SEPTIN14: variants seen among roughly 807,000 people sequenced by gnomAD.
The protein encoded by SEPTIN14 is septin 14.
A neutral mutation model predicts 53.6 loss-of-function variants in SEPTIN14; 40 were observed. That is an observed-to-expected ratio of 0.75 (90% confidence interval 0.58 to 0.97). SEPTIN14 has a LOEUF of 0.97. SEPTIN14 is among the 50% of genes least tolerant of loss of function. SEPTIN14 has a pLI of 0.00. For synonymous variants in SEPTIN14, 138 were observed against 166.8 expected, an observed-to-expected ratio of 0.83 and a Z score of 1.33; for missense variants, 471 against 508.2, an observed-to-expected ratio of 0.93 and a Z score of 0.70.
At chr7:55,815,520 A>G (rs1788776622) in intron 7 of SEPTIN14, among the ~76,000 whole-genome samples, 1 of 152,214 alleles carries the variant, frequency 6.6e-6, no homozygotes. Context: ...TGTCTTATTG[A>G]TAATAACTGT....
intron 1 of SEPTIN14, 134 bp downstream of exon 1, chr7:55,862,554 C>T (rs1188482534): frequency 2.6e-5 from 4 of 152,738 alleles, no homozygotes; most frequent in African/African-American, 4.8e-5. Context: ...ATCTATTATA[C>T]AGCTAGCATT....
chr7:55,827,426 T>C (rs1223147097), intron 6 of SEPTIN14, among the ~76,000 whole-genome samples: 1 of 152,128 alleles, frequency 6.6e-6, no homozygotes, highest in Non-Finnish European at 1.5e-5. Flanking sequence ...GATAGATGAC[T>C]GGGTCTGTAT....
intron 4 of SEPTIN14, among the ~76,000 whole-genome samples, chr7:55,843,618 G>C (rs55943634): frequency 0.22 from 33,930 of 152,100 alleles, 4,406 homozygotes; most frequent in Middle Eastern, 0.31. Flanking sequence ...TGGATCACGA[G>C]GTCAGGAGTT....
chr7:55,839,314 G>A (rs751784148), intron 5 of SEPTIN14, among the ~76,000 whole-genome samples: 6 of 150,648 alleles, frequency 4.0e-5, no homozygotes, highest in East Asian at 2.0e-4. Flanking sequence ...ACTTGAACCC[G>A]AGAGGCAGAG....
intron 2 of SEPTIN14, among the ~76,000 whole-genome samples, chr7:55,858,897 A>C (rs1011491093): frequency 6.6e-6 from 1 of 152,204 alleles, no homozygotes; most frequent in East Asian, 1.9e-4. Context: ...AAACCTCTGT[A>C]CTAAAGGCCT....
intron 9 of SEPTIN14, among the ~76,000 whole-genome samples, chr7:55,803,343 G>T (rs954219368): frequency 1.3e-5 from 2 of 152,116 alleles, no homozygotes; most frequent in Non-Finnish European, 2.9e-5. Flanking sequence ...ACCACAATTA[G>T]ATGGCACCTC....
chr7:55,840,834 C>T (rs934251670), intron 5 of SEPTIN14, among the ~76,000 whole-genome samples: 4 of 152,154 alleles, frequency 2.6e-5, no homozygotes, highest in African/African-American at 7.2e-5. Context: ...ATGGGCCACA[C>T]ATATGATGTT....
chr7:55,802,330 C>A (rs1018835616), intron 9 of SEPTIN14, among the ~76,000 whole-genome samples: 1 of 151,690 alleles, frequency 6.6e-6, no homozygotes, highest in African/African-American at 2.4e-5. Context: ...TAAATGCATT[C>A]GAAGAAGACA....
At chr7:55,828,459 C>T (rs1282482364) in intron 6 of SEPTIN14, among the ~76,000 whole-genome samples, 3 of 152,066 alleles carry the variant, frequency 2.0e-5, no homozygotes, top group African/African-American at 7.2e-5. Flanking sequence ...CACCCACTAC[C>T]ACGCCCGGCT....
At chr7:55,846,788 G>A (rs911325817) in intron 2 of SEPTIN14, among the ~76,000 whole-genome samples, 151 bp from the exon 3 acceptor site, 3 of 152,142 alleles carry the variant, frequency 2.0e-5, no homozygotes, top group Non-Finnish European at 2.9e-5. Context: ...AAGTAAATTT[G>A]TGAAAATAGA....
chr7:55,856,199 C>CATGAGTCTCATACTCATATGTCT (rs1789621074), intron 2 of SEPTIN14, among the ~76,000 whole-genome samples: 13 of 151,990 alleles, frequency 8.6e-5, no homozygotes, highest in Admixed American at 8.5e-4. Flanking sequence ...CCATCTATGG[C>CATGAGTCTCATACTCATATGTCT]ATGAGTCTCA....
intron 7 of SEPTIN14, chr7:55,811,107 T>C (rs1788697903): frequency 2.1e-6 from 1 of 467,852 alleles, no homozygotes. Context: ...CAGGGGTGTT[T>C]GAATAGCTCC....
chr7:55,796,390 G>T (rs1008330254), intron 9 of SEPTIN14, among the ~76,000 whole-genome samples: 1 of 152,024 alleles, frequency 6.6e-6, no homozygotes, highest in Non-Finnish European at 1.5e-5. Flanking sequence ...AGCCTCCCGA[G>T]AAGCTGGGAC....
intron 3 of SEPTIN14, among the ~76,000 whole-genome samples, chr7:55,846,064 A>ATATATATATATATAT (rs1562718590): frequency 1.4e-4 from 1 of 7,384 alleles, no homozygotes; most frequent in Non-Finnish European, 4.2e-4. Context: ...AAAAAAAAAA[A>ATATATATATATATAT]GTATATATAT....
chr7:55,809,888 A>C (rs576553945), intron 7 of SEPTIN14, among the ~76,000 whole-genome samples: 1 of 136,736 alleles, frequency 7.3e-6, no homozygotes, highest in Non-Finnish European at 1.5e-5. Flanking sequence ...GCTGGAGTGC[A>C]GTGGCGCAAT....
rs768441059 is a variant in SEPTIN14 at position 55,807,175 on chromosome 7, G to T, written c.901C>A (p.His301Asn). The T allele has an allele frequency of 6.2e-7, 1 of 1,609,434 alleles. No homozygotes were observed. The highest frequency in any genetic ancestry group is 8.5e-7 in the Non-Finnish European group (1 of 1,178,032). ...TNMENLKEKT[H>N]TQHYECYRYQ... ...CTATAACATTCATAGTGCTGAGTGT[G>T]GGTTTTTTCTTTTAGATTTTCCATA... The change falls in exon 8 of 10, where the codon CAC becomes AAC. Residue 301 changes from histidine (H) to asparagine (N), a missense_variant. By Grantham distance (68) the His-to-Asn change is moderately conservative. Coordinates refer to ENST00000388975, the MANE Select transcript of SEPTIN14 (RefSeq NM_207366.3).
At chr7:55,850,325 C>T (rs1789496165) in intron 2 of SEPTIN14, among the ~76,000 whole-genome samples, 2 of 152,042 alleles carry the variant, frequency 1.3e-5, no homozygotes, top group African/African-American at 4.8e-5. Flanking sequence ...AAAAAATTAG[C>T]CGGGCATGGT....
chr7:55,860,485 T>C (rs531984539), intron 2 of SEPTIN14, among the ~76,000 whole-genome samples: 1 of 152,238 alleles, frequency 6.6e-6, no homozygotes, highest in Non-Finnish European at 1.5e-5. Flanking sequence ...AGGGAGACTA[T>C]AGTTTATAAC....
intron 7 of SEPTIN14, among the ~76,000 whole-genome samples, chr7:55,808,806 C>T (rs1323132179): frequency 6.6e-6 from 1 of 152,160 alleles, no homozygotes; most frequent in East Asian, 1.9e-4. Context: ...CTCTCCTCAG[C>T]CTCCCAAAGT....
Sources: allele counts gnomAD v4.1 joint callset (sites outside exome capture counted in the v4.1 genomes callset), GRCh38; gene constraint gnomAD v4.1.1; transcripts MANE v1.5; gene names NCBI Gene and HGNC (gene_info 2026-07-23, HGNC 2026-07-21).